The following FOXP2 variants were observed in gnomAD, a reference collection of about 807,000 sequenced individuals.
FOXP2 encodes the protein forkhead box protein P2.
A neutral mutation model predicts 115.8 loss-of-function variants in FOXP2; 12 were observed. The ratio of observed to expected loss-of-function variants is 0.10; its 90% CI spans 0.07 to 0.17. The LOEUF (loss-of-function observed/expected upper bound fraction) is 0.17. Among genes scored for constraint, FOXP2 ranks in the 10% least tolerant of loss-of-function variants. FOXP2 has a pLI of 1.00. For missense variants in FOXP2, 629 were observed against 843.5 expected (o/e 0.75, Z 3.15); for synonymous variants, 328 against 297.7 (o/e 1.10, Z -1.05).
chr7:114,291,026 T>A (rs954985820), intron 2 of FOXP2, among the ~76,000 whole-genome samples: 1 of 152,172 alleles, frequency 6.6e-6, no homozygotes, highest in African/African-American at 2.4e-5. Context: ...TTATGTCTAA[T>A]CATGGGTCTT....
intron 2 of FOXP2, among the ~76,000 whole-genome samples, chr7:114,358,246 C>T (rs1197095450): frequency 6.6e-6 from 1 of 152,144 alleles, no homozygotes; most frequent in Non-Finnish European, 1.5e-5. Flanking sequence ...CTTTTGCCTT[C>T]CACCATGATT....
chr7:114,691,800 C>A lies in FOXP2; in HGVS notation c.*1874C>A. On this transcript the variant is annotated 3_prime_UTR_variant, in exon 17 of 17. Coordinates refer to ENST00000350908, the MANE Select transcript of FOXP2 (RefSeq NM_014491.4). ...TTGCAAACTAAGCTCATCATTGATT[C>A]TTTGCTGAAGTCAGCAAATAGAGTT... 4.4e-6 allele frequency: 2 copies of A among 453,344 alleles called. No homozygotes were observed. The highest frequency in any genetic ancestry group is 1.6e-5 in the South Asian group (1 of 64,278). 28.1% of individuals were successfully genotyped at this position (453,344 alleles called of 1,614,324 possible). A position where few individuals can be genotyped will look rare whatever the true frequency, so the allele number is the denominator to read the frequency against.
chr7:114,512,773 G>C (rs551145889), intron 2 of FOXP2, among the ~76,000 whole-genome samples: 1 of 152,000 alleles, frequency 6.6e-6, no homozygotes, highest in South Asian at 2.1e-4. Context: ...GGGATTCTTG[G>C]GGTCAAATTA....
chr7:114,348,213 A>G (rs1036856871), intron 2 of FOXP2, among the ~76,000 whole-genome samples: 2 of 152,094 alleles, frequency 1.3e-5, no homozygotes, highest in South Asian at 4.1e-4. Context: ...ATGATTAATA[A>G]TAGATTAGAT....
At chr7:114,173,180 T>C (rs1584523020) in intron 1 of FOXP2, among the ~76,000 whole-genome samples, 1 of 152,016 alleles carries the variant, frequency 6.6e-6, no homozygotes, top group African/African-American at 2.4e-5. Flanking sequence ...TTCTGAGAAA[T>C]ACTTAATATT....
chr7:114,192,175 C>T (rs1793778679), intron 1 of FOXP2, among the ~76,000 whole-genome samples: 1 of 42,012 alleles, frequency 2.4e-5, no homozygotes, highest in Admixed American at 3.5e-4. Flanking sequence ...GTAGTAGAGA[C>T]GGGGTTTCAC....
intron 16 of FOXP2, 117 bp downstream of exon 16, chr7:114,664,553 A>T: frequency 8.1e-7 from 1 of 1,230,172 alleles, no homozygotes; most frequent in Non-Finnish European, 1.1e-6. Flanking sequence ...ATTTAAGTGG[A>T]GTTAAATTAT....
intron 2 of FOXP2, among the ~76,000 whole-genome samples, chr7:114,529,809 G>A (rs915873284): frequency 1.3e-5 from 2 of 151,444 alleles, no homozygotes; most frequent in Admixed American, 1.3e-4. Flanking sequence ...ATGAGACTTC[G>A]GATTACATGT....
Position 114,221,064 on chromosome 7 carries a change from C to T in FOXP2, c.-102+57976C>T, listed in dbSNP as rs146323223. Among the ~76,000 whole-genome samples the T allele has an allele frequency of 4.8e-3, 729 of 152,172 alleles. 5 individuals are homozygous for T. Among genetic ancestry groups the T allele is most frequent in the African/African-American group, 0.016 (672 of 41,546 alleles). On this transcript the variant is annotated intron_variant, in intron 1 of 17. Coordinates refer to the FOXP2 transcript ENST00000634411. ...TTTATACACCTTATAATATATTTTA[C>T]AAACAGTATTTTAAATATCTGTCAC...
At chr7:114,454,385 A>T (rs902247603) in intron 2 of FOXP2, among the ~76,000 whole-genome samples, 3 of 152,058 alleles carry the variant, frequency 2.0e-5, no homozygotes, top group Non-Finnish European at 2.9e-5. Context: ...GCTGGAGAGG[A>T]TGTGGAGAAA....
chr7:114,157,959 A>G (rs1364209408), intron 1 of FOXP2, among the ~76,000 whole-genome samples: 1 of 152,104 alleles, frequency 6.6e-6, no homozygotes, highest in Non-Finnish European at 1.5e-5. Flanking sequence ...ATTCTTTGGT[A>G]TATATTTAAG....
intron 1 of FOXP2, among the ~76,000 whole-genome samples, chr7:114,257,475 A>G (rs1326570500): frequency 1.9e-4 from 20 of 103,042 alleles, no homozygotes; most frequent in African/African-American, 8.0e-4. Flanking sequence ...TTTTTTTGAG[A>G]TGGAGTCTTG....
chr7:114,535,535 AC>A (rs1441788313), intron 3 of FOXP2, among the ~76,000 whole-genome samples: 5 of 151,716 alleles, frequency 3.3e-5, no homozygotes, highest in East Asian at 3.9e-4. Flanking sequence ...AACAAAAAAA[AC>A]AAAACAAAAC....
chr7:114,222,946 T>G (rs1277281426), intron 1 of FOXP2, among the ~76,000 whole-genome samples: 6 of 152,224 alleles, frequency 3.9e-5, no homozygotes, highest in Admixed American at 3.9e-4. Context: ...ATGCATTCAT[T>G]CAGGTTTACT....
chr7:114,646,725 C>T (rs954780394), intron 8 of FOXP2, among the ~76,000 whole-genome samples: 1 of 151,730 alleles, frequency 6.6e-6, no homozygotes, highest in African/African-American at 2.4e-5. Context: ...AGTGAAATAT[C>T]GATTAGATAT....
chr7:114,578,134 CT>C (rs1801666843), intron 3 of FOXP2, among the ~76,000 whole-genome samples: 1 of 151,960 alleles, frequency 6.6e-6, no homozygotes, highest in Non-Finnish European at 1.5e-5. Flanking sequence ...GTTGTTTTAT[CT>C]TTATTTCCTT....
intron 13 of FOXP2, among the ~76,000 whole-genome samples, chr7:114,661,310 T>G (rs1209316046): frequency 6.6e-6 from 1 of 152,012 alleles, no homozygotes; most frequent in Non-Finnish European, 1.5e-5. Flanking sequence ...TAGCTAAAAT[T>G]TTAGGAATGA....
At chr7:114,184,743 C>A (rs1289247028) in intron 1 of FOXP2, among the ~76,000 whole-genome samples, 1 of 152,042 alleles carries the variant, frequency 6.6e-6, no homozygotes, top group African/African-American at 2.4e-5. Flanking sequence ...TTTGGTAAAG[C>A]AAAAATCAGT....
chr7:114,354,165 C>T (rs1409535993), intron 2 of FOXP2, among the ~76,000 whole-genome samples: 3 of 152,084 alleles, frequency 2.0e-5, no homozygotes, highest in Non-Finnish European at 4.4e-5. Flanking sequence ...TCTTCTCCTT[C>T]CCCGGGATAT....
Sources: allele counts gnomAD v4.1 joint callset (sites outside exome capture counted in the v4.1 genomes callset), GRCh38; gene constraint gnomAD v4.1.1; transcripts MANE v1.5; gene names NCBI Gene and HGNC (gene_info 2026-07-23, HGNC 2026-07-21).